The following ATP13A5 variants were observed in gnomAD, a reference collection of about 807,000 sequenced individuals.
ATP13A5 encodes ATPase 13A5, also known as probable cation-transporting ATPase 13A5.
In ATP13A5, 149 loss-of-function variants were observed where a neutral mutation model predicts 150.2. The observed-to-expected ratio is 0.99, with a 90% confidence interval of 0.87 to 1.14. The LOEUF is 1.14. Ranked by LOEUF, ATP13A5 falls within the 50% of genes most tolerant of loss-of-function variation. The probability of loss-of-function intolerance (pLI) is 0.00; values close to 1 mark genes in which losing one functional copy is unlikely to be tolerated. For missense variants in ATP13A5, 1,383 were observed against 1,449.3 expected (o/e 0.95, Z 0.74); for synonymous variants, 497 against 522.2 (o/e 0.95, Z 0.66).
chr3:193,331,188 T>C lies in ATP13A5; in HGVS notation c.1396A>G (p.Ile466Val). 6.2e-7 allele frequency: 1 copy of C among 1,614,032 alleles called. No homozygotes were observed. The highest frequency in any genetic ancestry group is 8.5e-7 in the Non-Finnish European group (1 of 1,179,954). The change falls in exon 12 of 30, where the codon ATC becomes GTC. Residue 466 changes from isoleucine (I) to valine (V), a missense_variant. By Grantham distance (29) the Ile-to-Val change is conservative. This residue lies in a region of ATP13A5 where 787 missense variants were observed against 771.9 expected (regional missense o/e 1.02). Coordinates refer to ENST00000342358, the MANE Select transcript of ATP13A5 (RefSeq NM_198505.4). ...ATTCTCTGTGGGGAGATACAGAAGA[T>C]TTTCTTTTTCTTCAGTCTCTTCTGA... ...YAQKRLKKKK[I>V]FCISPQRINM...
chr3:193,275,145 C>A lies in ATP13A5; in HGVS notation c.3554G>T (p.Gly1185Val), dbSNP rs1717129489. ...RTDYSGDGKN[G>V]FYINGGYESH... ...TTCATAGCCTCCGTTGATGTAGAAT[C>A]CATTTTTGCCATCACCTGAATAATC... is the stretch of plus-strand genomic sequence containing the variant. Residue 1185 changes from glycine (G) to valine (V), a missense_variant, in exon 30 of 30, where the codon GGA becomes GTA. Gly to Val is a moderately radical substitution (Grantham distance 109). Around this residue, in one of 3 missense-constraint regions of ATP13A5, gnomAD observed 568 missense variants for 621.5 expected, o/e 0.91. Transcript: ENST00000342358. 6.2e-7 allele frequency: 1 copy of A among 1,614,050 alleles called. No individual in the cohort carries two copies. The highest frequency in any genetic ancestry group is 1.7e-5 in the Admixed American group (1 of 60,002).
intron 6 of ATP13A5, among the ~76,000 whole-genome samples, chr3:193,353,912 A>AAAACG (rs1366870273): frequency 1.3e-5 from 2 of 151,938 alleles, no homozygotes; most frequent in Non-Finnish European, 2.9e-5. Flanking sequence ...TAAAGAGAAC[A>AAAACG]AAACAAAACA....
intron 9 of ATP13A5, among the ~76,000 whole-genome samples, chr3:193,342,244 C>T (rs1225377352): frequency 6.6e-6 from 1 of 152,172 alleles, no homozygotes; most frequent in Non-Finnish European, 1.5e-5. Flanking sequence ...AGGACCATTT[C>T]GTACATAGGG....
chr3:193,315,009 T>G lies in ATP13A5; in HGVS notation c.2121A>C (p.Glu707Asp), dbSNP rs1411098079. 4.3e-6 allele frequency: 7 copies of G among 1,613,854 alleles called. No homozygotes were observed. Among genetic ancestry groups the G allele is most frequent in the Non-Finnish European group, 5.9e-6 (7 of 1,179,852 alleles). The change falls in exon 18 of 30, where the codon GAA becomes GAC. Residue 707 changes from glutamate (E) to aspartate (D), a missense_variant. Physicochemically the swap from Glu to Asp is conservative, Grantham distance 45. Transcript: ENST00000342358. ...LKKETKLVLK[E>D]LSEARIRTVM... ...CAGTCCTGATACGGGCCTCACTCAGTTCCTTCAAGACCAGTTTGGTTTCTT... is the reference window on the plus strand; with the variant it reads ...CAGTCCTGATACGGGCCTCACTCAGGTCCTTCAAGACCAGTTTGGTTTCTT...
intron 1 of ATP13A5, among the ~76,000 whole-genome samples, chr3:193,376,525 C>CT (rs1560157138): frequency 6.6e-6 from 1 of 152,100 alleles, no homozygotes; most frequent in African/African-American, 2.4e-5. Flanking sequence ...GGTCTCTTTT[C>CT]TTTTTTTAAT....
intron 25 of ATP13A5, among the ~76,000 whole-genome samples, chr3:193,296,653 G>C (rs1718183708): frequency 6.6e-6 from 1 of 152,022 alleles, no homozygotes; most frequent in South Asian, 2.1e-4. Flanking sequence ...GCTTATGATT[G>C]TCTTGGCTAT....
At chr3:193,301,682 C>T (rs370408848) in intron 23 of ATP13A5, among the ~76,000 whole-genome samples, 17 of 152,246 alleles carry the variant, frequency 1.1e-4, no homozygotes, top group African/African-American at 4.1e-4. Flanking sequence ...CAAGCATTGA[C>T]TCACTTGTGA....
At chr3:193,358,605 G>A (rs1712882326) in intron 5 of ATP13A5, among the ~76,000 whole-genome samples, 1 of 152,156 alleles carries the variant, frequency 6.6e-6, no homozygotes, top group African/African-American at 2.4e-5. Flanking sequence ...TGACATGAAA[G>A]TTATTTTAGT....
chr3:193,296,841 T>C (rs529896417), intron 25 of ATP13A5, among the ~76,000 whole-genome samples: 3 of 152,218 alleles, frequency 2.0e-5, no homozygotes, highest in Non-Finnish European at 2.9e-5. Flanking sequence ...TTTCCATTTG[T>C]TCCTCAGCAA....
intron 17 of ATP13A5, among the ~76,000 whole-genome samples, chr3:193,318,522 C>T (rs376099484): frequency 1.3e-5 from 2 of 152,086 alleles, no homozygotes; most frequent in African/African-American, 4.8e-5. Context: ...TTCACAGATA[C>T]GAAGGAGATG....
At chr3:193,313,841 GCTTAGAAACTCC>G in intron 19 of ATP13A5, 180 bp downstream of exon 19, 1 of 610,716 alleles carries the variant, frequency 1.6e-6, no homozygotes, top group Non-Finnish European at 2.8e-6. Flanking sequence ...TGCACTGGAA[GCTTAGAAACTCC>G]CCCAGGTGAT....
chr3:193,298,858 C>A (rs918213656), intron 25 of ATP13A5, among the ~76,000 whole-genome samples: 2 of 152,114 alleles, frequency 1.3e-5, no homozygotes, highest in African/African-American at 2.4e-5. Context: ...GTTTTGTATT[C>A]ATTTTTCTAT....
chr3:193,291,711 C>T (rs746364376), intron 25 of ATP13A5, among the ~76,000 whole-genome samples: 6 of 151,756 alleles, frequency 4.0e-5, no homozygotes, highest in Admixed American at 6.6e-5. Flanking sequence ...CTCCAGACAC[C>T]GAAGCTCAGT....
At chr3:193,360,251 G>T (rs1426743938) in intron 5 of ATP13A5, among the ~76,000 whole-genome samples, 1 of 152,136 alleles carries the variant, frequency 6.6e-6, no homozygotes, top group Non-Finnish European at 1.5e-5. Flanking sequence ...CCTGATGTTT[G>T]GATATGCTTT....
chr3:193,361,439 C>T (rs1713002953), intron 5 of ATP13A5, among the ~76,000 whole-genome samples: 1 of 152,120 alleles, frequency 6.6e-6, no homozygotes, highest in African/African-American at 2.4e-5. Flanking sequence ...CTTGCTCCTA[C>T]AGAATTATCA....
At chr3:193,358,126 G>T (rs1035438891) in intron 5 of ATP13A5, among the ~76,000 whole-genome samples, 1 of 151,474 alleles carries the variant, frequency 6.6e-6, no homozygotes, top group Non-Finnish European at 1.5e-5. Context: ...CCTATTTTTT[G>T]CTCACTGCTT....
chr3:193,293,595 A>G lies in ATP13A5; in HGVS notation c.2849-3536T>C, dbSNP rs528814546. ...TCGCAGTTTCAAATTCTATTCTTAT[A>G]GTTTTTAATTATTTGGCATCATTTG... On this transcript the variant is annotated intron_variant, in intron 25 of 29. Transcript: ENST00000342358. Among the ~76,000 whole-genome samples, 4 of 152,070 alleles carry G rather than the reference A, an allele frequency of 2.6e-5. No homozygotes were observed. The East Asian group carries it at 5.8e-4, about 22-fold the overall frequency.
At chr3:193,376,510 C>A (rs567116292) in intron 1 of ATP13A5, among the ~76,000 whole-genome samples, 192 of 152,212 alleles carry the variant, frequency 1.3e-3, no homozygotes, top group Non-Finnish European at 2.4e-3. Flanking sequence ...CCATGCCTGG[C>A]CAGGGGTCTC....
rs182211726 is a variant in ATP13A5, at chr3:193,310,612, C to T, written c.2525+26G>A. 9 of 1,571,898 alleles carry T rather than the reference C, an allele frequency of 5.7e-6. No homozygotes were observed. In the South Asian group the frequency reaches 7.0e-5, roughly 12 times the overall value. ...TAGGTAGCAAGAGTTAATGAGCACA[C>T]TCTTCTTTCATGCCATGACACCTAC... On this transcript the variant is annotated intron_variant, in intron 21 of 29. Transcript: ENST00000342358.
Sources: allele counts gnomAD v4.1 joint callset (sites outside exome capture counted in the v4.1 genomes callset), GRCh38; gene constraint gnomAD v4.1.1; regional missense constraint gnomAD v4.1.1; transcripts MANE v1.5; gene names NCBI Gene and HGNC (gene_info 2026-07-23, HGNC 2026-07-21).